ABHD2: variants seen among roughly 807,000 people sequenced by gnomAD.
ABHD2 encodes the protein monoacylglycerol lipase ABHD2.
A neutral mutation model predicts 48.1 loss-of-function variants in ABHD2; 20 were observed. The observed-to-expected ratio is 0.42, with a 90% CI of 0.29 to 0.60. ABHD2 has a LOEUF of 0.60. ABHD2 is among the 20% of genes least tolerant of loss of function. The probability of loss-of-function intolerance (pLI) is 0.24; values close to 1 mark genes in which losing one functional copy is unlikely to be tolerated. For synonymous variants in ABHD2, 209 were observed against 214.2 expected (o/e 0.98, Z 0.21); for missense variants, 405 against 550.9 (o/e 0.74, Z 2.65).
chr15:89,187,842 G>A (rs898628270), intron 7 of ABHD2, among the ~76,000 whole-genome samples: 24 of 152,210 alleles, frequency 1.6e-4, no homozygotes, highest in African/African-American at 7.2e-5. Flanking sequence ...TCTCTGCCAA[G>A]GGGGACATTG....
rs529391317 is a variant in ABHD2, at chr15:89,094,201, T to A, written c.-107+5638T>A. ...GTGCAGTGGCCCGATCTCGGTGCAC[T>A]GCAACCTCTGCTTCCCGGGTTCAAG... On this transcript the variant is annotated intron_variant, in intron 1 of 10. Transcript: ENST00000352732. The surrounding 1 kb of genome is among the most constrained non-coding windows in gnomAD (Gnocchi z 4.7). 2.8e-4 allele frequency: 43 copies of A among 152,110 alleles called. No individual in the cohort carries two copies. Among genetic ancestry groups the A allele is most frequent in the Admixed American group, 2.6e-3 (40 of 15,286 alleles). The allele number at this position is 152,110 out of a possible 1,614,324, so 9.4% of individuals were successfully genotyped here.
At position 89,116,298 on chromosome 15, in the gene ABHD2, T is replaced by G. The variant is rs953304862; in HGVS notation, c.-6-24T>G. On this transcript the variant is annotated intron_variant, in intron 2 of 10. Coordinates refer to ENST00000352732, the MANE Select transcript of ABHD2 (RefSeq NM_152924.5). The surrounding 1 kb of genome is among the most constrained non-coding windows in gnomAD (Gnocchi z 4.6). ...CCCGTCCTCACTGTGCTTGTAAACT[T>G]AGACCTGTGCCTCTGCTCCCCAGAT... 5.0e-6 allele frequency: 8 copies of G among 1,602,560 alleles called. No individual in the cohort carries two copies. Among genetic ancestry groups the G allele is most frequent in the Admixed American group, 1.7e-5 (1 of 59,422 alleles).
chr15:89,047,809 T>C, the ABHD2 span, among the ~76,000 whole-genome samples: 2 of 147,524 alleles, frequency 1.4e-5, no homozygotes, highest in Non-Finnish European at 3.0e-5. Context: ...GTGAGATGGG[T>C]TTCCTGAATA....
At chr15:89,054,321 CA>C in the ABHD2 span, among the ~76,000 whole-genome samples, 118,252 of 138,074 alleles carry the variant, frequency 0.86, 50,298 homozygotes, top group South Asian at 0.95. Flanking sequence ...GACTCTGTCT[CA>C]AAAAAAAAAA....
intron 3 of ABHD2, among the ~76,000 whole-genome samples, chr15:89,147,172 A>G (rs2050505976): frequency 6.6e-6 from 1 of 152,192 alleles, no homozygotes; most frequent in Non-Finnish European, 1.5e-5. Flanking sequence ...TAGGGAAACG[A>G]TAGGCCATTC....
intron 1 of ABHD2, among the ~76,000 whole-genome samples, chr15:89,105,659 A>G (rs2049773043): frequency 2.0e-5 from 3 of 152,332 alleles, no homozygotes; most frequent in Admixed American, 2.0e-4. Flanking sequence ...TTTGTAAGAG[A>G]TGGACTGGAT....
At chr15:89,128,994 T>C (rs1022491532) in intron 3 of ABHD2, among the ~76,000 whole-genome samples, 8 of 152,106 alleles carry the variant, frequency 5.3e-5, no homozygotes, top group Non-Finnish European at 8.8e-5. Context: ...AATCACAGAT[T>C]ATGCTGAGGT....
chr15:89,186,854 G>A lies in ABHD2; in HGVS notation c.815+1338G>A, dbSNP rs143464293. On this transcript the variant is annotated intron_variant, in intron 7 of 10. Transcript: ENST00000352732. This position sits in a 1 kb window ranked among gnomAD's most constrained non-coding sequence, Gnocchi z 4.3. ...CAGATTGGGCTTCCTACGGGTGGGC[G>A]TTCACATGGCACCTAAGCAAGGCTG... Among the ~76,000 whole-genome samples the A allele has an allele frequency of 0.016, 2,492 of 152,334 alleles. 49 individuals carry two copies. Among genetic ancestry groups the A allele is most frequent in the Non-Finnish European group, 0.026 (1,787 of 68,038 alleles).
In ABHD2 at chr15:89,159,261, C is replaced by A. The variant is rs1331267360; in HGVS notation, c.538+3727C>A. Among the ~76,000 whole-genome samples, 3 of 151,928 alleles carry A rather than the reference C, an allele frequency of 2.0e-5. No homozygotes were observed. The East Asian group carries it at 5.8e-4, about 30-fold the overall frequency. The stretch of plus-strand genomic sequence containing the variant: ...GCATGGTGGCAGGCACCTGTAATCC[C>A]AGCTACTTGGGAGCCTGAGGCAGGA... On this transcript the variant is annotated intron_variant, in intron 5 of 10. Coordinates refer to ENST00000352732, the MANE Select transcript of ABHD2 (RefSeq NM_152924.5).
At chr15:89,062,937 G>C in the ABHD2 span, among the ~76,000 whole-genome samples, 1 of 150,320 alleles carries the variant, frequency 6.7e-6, no homozygotes, top group Non-Finnish European at 1.5e-5. Flanking sequence ...GAGTATGTCA[G>C]GTCTGTTTAA....
rs1430244883 is a variant in ABHD2, at chr15:89,097,111, C to A, written c.-107+8548C>A. The stretch of plus-strand genomic sequence containing the variant: ...AAATAATCACTCATTCATTTATTAG[C>A]TTTTTATTCTGGGAATTTTAAAGAT... On this transcript the variant is annotated intron_variant, in intron 1 of 10. Coordinates refer to ENST00000352732, the MANE Select transcript of ABHD2 (RefSeq NM_152924.5). This position sits in a 1 kb window ranked among gnomAD's most constrained non-coding sequence, Gnocchi z 4.2. 6.6e-6 allele frequency among the ~76,000 whole-genome samples: 1 copy of A among 152,084 alleles called. No homozygotes were observed. Among genetic ancestry groups the A allele is most frequent in the Non-Finnish European group, 1.5e-5 (1 of 68,034 alleles).
chr15:89,165,247 A>G (rs1049169264), intron 5 of ABHD2, among the ~76,000 whole-genome samples: 1 of 152,234 alleles, frequency 6.6e-6, no homozygotes, highest in African/African-American at 2.4e-5. Flanking sequence ...AGTACTGGAA[A>G]GAGTTTTTAC....
chr15:89,125,334 T>C (rs1348053993), intron 3 of ABHD2, among the ~76,000 whole-genome samples: 1 of 152,186 alleles, frequency 6.6e-6, no homozygotes. Flanking sequence ...AGAACTGTAG[T>C]GTTCTGATGT....
chr15:89,074,476 T>A, the ABHD2 span, among the ~76,000 whole-genome samples: 1 of 152,146 alleles, frequency 6.6e-6, no homozygotes, highest in Non-Finnish European at 1.5e-5. Flanking sequence ...GAGACCCAGA[T>A]GCACTGTTTT....
rs182419623 is a variant in ABHD2 at position 89,198,480 on chromosome 15, A to G, written c.*3057A>G. 2.0e-5 allele frequency: 3 copies of G among 152,354 alleles called. No individual in the cohort carries two copies. The highest frequency in any genetic ancestry group is 7.2e-5 in the African/African-American group (3 of 41,588). The allele number at this position is 152,354 out of a possible 1,614,324, so 9.4% of individuals were successfully genotyped here. On this transcript the variant is annotated 3_prime_UTR_variant, in exon 11 of 11. Transcript: ENST00000352732. The surrounding 1 kb of genome is among the most constrained non-coding windows in gnomAD (Gnocchi z 5.1). ...TCTTTTCCTGCTGTGAGTTTACACA[A>G]ATGATTCCAGAGCAGAATGAAAGCA...
rs1156345417 is a variant in ABHD2 at position 89,186,516 on chromosome 15, C to T, written c.815+1000C>T. ...ACTTACTGCCCTTGCTGAGAATACTCTCCCGTTTCTCTGCTGGTGGGAACT... is the reference window on the plus strand; with the variant it reads ...ACTTACTGCCCTTGCTGAGAATACTTTCCCGTTTCTCTGCTGGTGGGAACT... On this transcript the variant is annotated intron_variant, in intron 7 of 10. Coordinates refer to ENST00000352732, the MANE Select transcript of ABHD2 (RefSeq NM_152924.5). This position sits in a 1 kb window ranked among gnomAD's most constrained non-coding sequence, Gnocchi z 4.3. Among the ~76,000 whole-genome samples, 1 of 152,118 alleles carries T rather than the reference C, an allele frequency of 6.6e-6. No individual in the cohort carries two copies. Among genetic ancestry groups the T allele is most frequent in the Admixed American group, 6.5e-5 (1 of 15,276 alleles).
Position 89,164,791 on chromosome 15 carries a change from T to G in ABHD2, c.538+9257T>G. 6.7e-6 allele frequency among the ~76,000 whole-genome samples: 1 copy of G among 148,792 alleles called. No individual in the cohort carries two copies. Among genetic ancestry groups the G allele is most frequent in the Non-Finnish European group, 1.5e-5 (1 of 67,480 alleles). On this transcript the variant is annotated intron_variant, in intron 5 of 10. Coordinates refer to ENST00000352732, the MANE Select transcript of ABHD2 (RefSeq NM_152924.5). This position sits in a 1 kb window ranked among gnomAD's most constrained non-coding sequence, Gnocchi z 5.0. ...GACCCTGTCTTTAAAAAAAAAAAAA[T>G]GGCAATAATATAAAAGTGCATGGCA...
the ABHD2 span, among the ~76,000 whole-genome samples, chr15:89,052,818 T>G: frequency 6.6e-6 from 1 of 152,150 alleles, no homozygotes; most frequent in Non-Finnish European, 1.5e-5. Flanking sequence ...TCCCTCCTCA[T>G]GGCGCCCCTT....
intron 3 of ABHD2, among the ~76,000 whole-genome samples, chr15:89,123,497 A>G (rs549583583): frequency 6.6e-6 from 1 of 152,006 alleles, no homozygotes; most frequent in Non-Finnish European, 1.5e-5. Context: ...CTTTTTAATT[A>G]CGGAAGTTTT....
Sources: allele counts gnomAD v4.1 joint callset (sites outside exome capture counted in the v4.1 genomes callset), GRCh38; gene constraint gnomAD v4.1.1; non-coding constraint Gnocchi (gnomAD v3.1); transcripts MANE v1.5; gene names NCBI Gene and HGNC (gene_info 2026-07-23, HGNC 2026-07-21).